CHN2: variants seen among roughly 807,000 people sequenced by gnomAD.
CHN2 encodes the protein beta-chimaerin.
A neutral mutation model predicts 56.3 loss-of-function variants in CHN2; 35 were observed. The ratio of observed to expected loss-of-function variants is 0.62; its 90% confidence interval spans 0.47 to 0.82. The LOEUF is 0.82. Among genes scored for constraint, CHN2 ranks in the 40% least tolerant of loss-of-function variants. The pLI, the probability that CHN2 is intolerant of heterozygous loss-of-function variation, is 0.00. For missense variants in CHN2, 491 were observed against 580.5 expected (o/e 0.85, Z 1.58); for synonymous variants, 210 against 212.8 (o/e 0.99, Z 0.12).
intron 1 of CHN2, among the ~76,000 whole-genome samples, chr7:29,229,541 T>C (rs994254506): frequency 2.6e-5 from 4 of 152,240 alleles, no homozygotes; most frequent in African/African-American, 7.2e-5. Context: ...AGTATACTGG[T>C]ATTTTTCATT....
intron 6 of CHN2, among the ~76,000 whole-genome samples, chr7:29,420,148 T>C (rs888678051): frequency 1.3e-5 from 2 of 151,988 alleles, no homozygotes; most frequent in Non-Finnish European, 1.5e-5. Flanking sequence ...GTGGAGAAAT[T>C]GGAAGCCTTG....
chr7:29,200,365 C>T (rs960988238), intron 1 of CHN2, among the ~76,000 whole-genome samples: 3 of 138,988 alleles, frequency 2.2e-5, no homozygotes, highest in African/African-American at 8.0e-5. Flanking sequence ...TCCCTCCCTA[C>T]CTTCCCTCCT....
chr7:29,263,239 G>A (rs1320078887), intron 1 of CHN2, among the ~76,000 whole-genome samples: 4 of 152,196 alleles, frequency 2.6e-5, no homozygotes, highest in Admixed American at 2.6e-4. Flanking sequence ...CGTGTTGGCC[G>A]GGCTGGTCTC....
chr7:29,182,479 A>G (rs957316465), intron 2 of CHN2, among the ~76,000 whole-genome samples: 3 of 152,350 alleles, frequency 2.0e-5, no homozygotes, highest in Admixed American at 1.3e-4. Flanking sequence ...AGACATTTTC[A>G]TAAGTCCTGC....
chr7:29,412,316 G>A (rs1803293305), intron 6 of CHN2, among the ~76,000 whole-genome samples: 1 of 133,896 alleles, frequency 7.5e-6, no homozygotes. Flanking sequence ...CTCTGCTAAA[G>A]AGTCTTTTTT....
intron 6 of CHN2, among the ~76,000 whole-genome samples, chr7:29,462,787 T>G (rs989454495): frequency 6.6e-6 from 1 of 152,138 alleles, no homozygotes; most frequent in South Asian, 2.1e-4. Context: ...TATTATACTT[T>G]AAGTTTTAGG....
At chr7:29,384,967 G>C (rs547077839) in intron 3 of CHN2, among the ~76,000 whole-genome samples, 2 of 152,316 alleles carry the variant, frequency 1.3e-5, no homozygotes, top group Admixed American at 1.3e-4. Context: ...TGTATGCATA[G>C]CATGGCTGAT....
intron 1 of CHN2, among the ~76,000 whole-genome samples, chr7:29,224,347 T>G (rs1045850393): frequency 6.6e-6 from 1 of 152,266 alleles, no homozygotes. Flanking sequence ...CATGGTCAGA[T>G]ACTGTTAAAT....
chr7:29,212,984 A>G, intron 1 of CHN2: 1 of 1,609,558 alleles, frequency 6.2e-7, no homozygotes, highest in East Asian at 2.2e-5. Context: ...TGGTGCACCC[A>G]GTCCTGGAAC....
intron 1 of CHN2, among the ~76,000 whole-genome samples, chr7:29,226,234 A>G (rs551355949): frequency 6.6e-6 from 1 of 152,152 alleles, no homozygotes; most frequent in Non-Finnish European, 1.5e-5. Flanking sequence ...TCAGAAATCT[A>G]TTATTATGAG....
chr7:29,293,429 C>G (rs1228316122), intron 1 of CHN2, among the ~76,000 whole-genome samples: 1 of 143,818 alleles, frequency 7.0e-6, no homozygotes, highest in Non-Finnish European at 1.5e-5. Context: ...GCTTTTCAGC[C>G]ACGCTTGCGA....
chr7:29,498,627 CGT>C lies in CHN2; in HGVS notation c.740-1233_740-1232del, dbSNP rs1422619737. Among the ~76,000 whole-genome samples, 7 of 152,110 alleles carry C rather than the reference CGT, an allele frequency of 4.6e-5. No individual in the cohort carries two copies. In the South Asian group the frequency reaches 1.3e-3, roughly 27 times the overall value. On this transcript the variant is annotated intron_variant, in intron 8 of 12. Transcript: ENST00000222792. Reference sequence around the variant, plus strand: ...TACAATATTCCTTATCATGTGTGCACGTGTGTGTTATTCTTTGTGCCTAGGAA... The same window carrying C: ...TACAATATTCCTTATCATGTGTGCACGTGTGTTATTCTTTGTGCCTAGGAA...
At chr7:29,182,141 C>T (rs1335392686) in intron 2 of CHN2, among the ~76,000 whole-genome samples, 2 of 152,248 alleles carry the variant, frequency 1.3e-5, no homozygotes, top group South Asian at 2.1e-4. Flanking sequence ...TGCTGTCTTC[C>T]TCTTAATGAA....
chr7:29,270,710 C>T (rs1024589284), intron 1 of CHN2, among the ~76,000 whole-genome samples: 1 of 151,722 alleles, frequency 6.6e-6, no homozygotes, highest in Non-Finnish European at 1.5e-5. Context: ...TTTATTGAGT[C>T]ATTTTTTAAT....
intron 2 of CHN2, among the ~76,000 whole-genome samples, chr7:29,355,143 G>T (rs1285512018): frequency 6.6e-6 from 1 of 151,582 alleles, no homozygotes; most frequent in Non-Finnish European, 1.5e-5. Context: ...TAATTTTTTT[G>T]TATTTTTAGT....
chr7:29,384,409 C>T lies in CHN2; in HGVS notation c.145-9270C>T, dbSNP rs1023712717. Among the ~76,000 whole-genome samples the T allele has an allele frequency of 8.6e-5, 13 of 152,040 alleles. No individual in the cohort carries two copies. The East Asian group carries it at 9.7e-4, about 11-fold the overall frequency. ...TTAACCATACAGGCCTTCTTTTTCCCGACTGCAAAATGGGAATGACAGTCT... is the reference window on the plus strand; with the variant it reads ...TTAACCATACAGGCCTTCTTTTTCCTGACTGCAAAATGGGAATGACAGTCT... On this transcript the variant is annotated intron_variant, in intron 3 of 12. Coordinates refer to ENST00000222792, the MANE Select transcript of CHN2 (RefSeq NM_004067.4).
chr7:29,330,870 A>C (rs1585076780), intron 1 of CHN2, among the ~76,000 whole-genome samples: 1 of 152,200 alleles, frequency 6.6e-6, no homozygotes, highest in African/African-American at 2.4e-5. Flanking sequence ...TAGCATGGGA[A>C]GTTTATTACA....
chr7:29,324,544 A>C (rs1469242237), intron 1 of CHN2, among the ~76,000 whole-genome samples: 1 of 151,894 alleles, frequency 6.6e-6, no homozygotes, highest in Non-Finnish European at 1.5e-5. Context: ...CACTGTTGAC[A>C]ATCTCTGCAT....
intron 2 of CHN2, among the ~76,000 whole-genome samples, chr7:29,364,696 A>G (rs986614896): frequency 6.6e-6 from 1 of 152,012 alleles, no homozygotes; most frequent in African/African-American, 2.4e-5. Flanking sequence ...TCTTTGGCCA[A>G]CTCTTCCTCA....
Sources: allele counts gnomAD v4.1 joint callset (sites outside exome capture counted in the v4.1 genomes callset), GRCh38; gene constraint gnomAD v4.1.1; transcripts MANE v1.5; gene names NCBI Gene and HGNC (gene_info 2026-07-23, HGNC 2026-07-21).